Variants in SHANK1 observed in about 807,000 individuals in gnomAD.
SHANK1 encodes SH3 and multiple ankyrin repeat domains protein 1.
A neutral mutation model predicts 165.6 loss-of-function variants in SHANK1; 35 were observed. The ratio of observed to expected loss-of-function variants is 0.21; its 90% CI spans 0.16 to 0.28. The LOEUF (loss-of-function observed/expected upper bound fraction) is 0.28. Among genes scored for constraint, SHANK1 ranks in the 10% least tolerant of loss-of-function variants. The probability of loss-of-function intolerance (pLI) is 1.00; values close to 1 mark genes in which losing one functional copy is unlikely to be tolerated. For missense variants in SHANK1, 2,681 were observed against 3,036.4 expected, an observed-to-expected ratio of 0.88 and a Z score of 2.75; for synonymous variants, 1,428 against 1,384.8, an observed-to-expected ratio of 1.03 and a Z score of -0.69.
Position 50,697,014 on chromosome 19 carries a change from C to G in SHANK1, c.1964+82G>C. Reference sequence around the variant, plus strand: ...CACACCAAGAAACCTCAGCTCTGGTCGTGCACACACGTTCACACGCCCCCC... The same window carrying G: ...CACACCAAGAAACCTCAGCTCTGGTGGTGCACACACGTTCACACGCCCCCC... On this transcript the variant is annotated intron_variant, in intron 15 of 23. Transcript: ENST00000293441. This position sits in a 1 kb window ranked among gnomAD's most constrained non-coding sequence, Gnocchi z 4.7. 1 of 1,142,028 alleles carries G rather than the reference C, an allele frequency of 8.8e-7. No homozygotes were observed. Among genetic ancestry groups the G allele is most frequent in the South Asian group, 1.2e-5 (1 of 80,728 alleles). The allele number at this position is 1,142,028 out of a possible 1,614,324, so 70.7% of individuals were successfully genotyped here. A position where few individuals can be genotyped will look rare whatever the true frequency, so the allele number is the denominator to read the frequency against.
In SHANK1 at chr19:50,662,007, G is replaced by A; in HGVS notation, c.6444C>T (p.Arg2148=). The A allele has an allele frequency of 6.2e-7, 1 of 1,614,186 alleles. No homozygotes were observed. The highest frequency in any genetic ancestry group is 8.5e-7 in the Non-Finnish European group (1 of 1,180,038). ...ATTTGAGAGCCCGGTCGATGTTCAT[G>A]CGGTGGCCCACCCTGGTCACACCTA... ...VDLGVTRVGH[R]MNIDRALKFF... is the part of the protein sequence containing the mutation. Residue 2148 remains arginine (R), a synonymous_variant, in exon 24 of 24, where the codon CGC becomes CGT. Transcript: ENST00000293441. This position sits in a 1 kb window ranked among gnomAD's most constrained non-coding sequence, Gnocchi z 7.7.
At position 50,716,860 on chromosome 19, in the gene SHANK1, G is replaced by A. The variant is rs988679331; in HGVS notation, c.60C>T (p.Pro20=). Residue 20 remains proline, a synonymous_variant, in exon 2 of 24, where the codon CCC becomes CCT. Transcript: ENST00000293441. This position sits in a 1 kb window ranked among gnomAD's most constrained non-coding sequence, Gnocchi z 8.4. ...DEERHSASEC[P]EGGSESDSSP... is the part of the protein sequence containing the mutation. ...AGCTGTCGGACTCTGAGCCCCCCTC[G>A]GGACACTCGCTGGCACTGTGGCGTT... 4 of 1,523,346 alleles carry A rather than the reference G, an allele frequency of 2.6e-6. No homozygotes were observed. The highest frequency in any genetic ancestry group is 4.7e-5 in the East Asian group (2 of 42,978). 94.4% of individuals were successfully genotyped at this position (1,523,346 alleles called of 1,614,324 possible). A position where few individuals can be genotyped will look rare whatever the true frequency, so the allele number is the denominator to read the frequency against.
chr19:50,666,208 A>T lies in SHANK1; in HGVS notation c.5752T>A (p.Ser1918Thr). Residue 1918 changes from serine (S) to threonine (T), a missense_variant, in exon 23 of 24, where the codon TCC (serine) becomes ACC (threonine). Physicochemically the swap from Ser to Thr is moderately conservative, Grantham distance 58 (BLOSUM62 1). This residue lies in a region of SHANK1 where 1,713 missense variants were observed against 1,630.2 expected (regional missense o/e 1.05). Coordinates refer to ENST00000293441, the MANE Select transcript of SHANK1 (RefSeq NM_016148.5). ...GASYVPERTS[S>T]LQRQRLSDDS... ...CCCGCTTACCTCTGCCGCTGCAGGG[A>T]GGAGGTCCTCTCGGGGACATAGCTG... The T allele has an allele frequency of 6.2e-7, 1 of 1,601,216 alleles. No individual in the cohort carries two copies. Among genetic ancestry groups the T allele is most frequent in the Non-Finnish European group, 8.5e-7 (1 of 1,174,592 alleles).
At chr19:50,673,236 T>A (rs2123097944) in intron 21 of SHANK1, among the ~76,000 whole-genome samples, 1 of 152,136 alleles carries the variant, frequency 6.6e-6, no homozygotes, top group Admixed American at 6.5e-5. Flanking sequence ...CCACACTCCC[T>A]GAAGGTTCCC....
At position 50,717,820 on chromosome 19, in the gene SHANK1, G is replaced by C. The variant is rs537104286; in HGVS notation, c.-43-858C>G. ...GGGTGGGCTGGCTTGCTGGGTACTA[G>C]GGGCTCCACTCTGAGGACTGGGGGT... is the stretch of plus-strand genomic sequence containing the variant. On this transcript the variant is annotated intron_variant, in intron 1 of 23. Coordinates refer to ENST00000293441, the MANE Select transcript of SHANK1 (RefSeq NM_016148.5). The surrounding 1 kb of genome is among the most constrained non-coding windows in gnomAD (Gnocchi z 5.5). Among the ~76,000 whole-genome samples, 141 of 152,176 alleles carry C rather than the reference G, an allele frequency of 9.3e-4. 1 individual carries two copies. Among genetic ancestry groups the C allele is most frequent in the Non-Finnish European group, 1.7e-3 (116 of 67,984 alleles).
chr19:50,702,516 C>T lies in SHANK1; in HGVS notation c.1698G>A (p.Gln566=). The stretch of plus-strand genomic sequence containing the variant: ...GGGAGATCTCCCCCTCGGCTTGGGC[C>T]TGGTAGGACTTCACAGCCATGAAGG... The part of the protein sequence containing the change: ...GRSFMAVKSY[Q]AQAEGEISLS... The change falls in exon 12 of 24, where the codon CAG becomes CAA. Residue 566 remains glutamine (Q), a synonymous_variant. Transcript: ENST00000293441. This position sits in a 1 kb window ranked among gnomAD's most constrained non-coding sequence, Gnocchi z 5.3. 1 of 1,613,394 alleles carries T rather than the reference C, an allele frequency of 6.2e-7. No individual in the cohort carries two copies. Among genetic ancestry groups the T allele is most frequent in the Non-Finnish European group, 8.5e-7 (1 of 1,179,898 alleles).
At chr19:50,709,295 C>G (rs35743451) in intron 8 of SHANK1, among the ~76,000 whole-genome samples, 1 of 152,038 alleles carries the variant, frequency 6.6e-6, no homozygotes, top group South Asian at 2.1e-4. Flanking sequence ...CCCGCCACCA[C>G]GCCTGGCTAA....
chr19:50,669,139 A>G lies in SHANK1; in HGVS notation c.2821T>C (p.Ser941Pro). The change falls in exon 23 of 24, where the codon TCC becomes CCC. Residue 941 changes from serine (S) to proline (P), a missense_variant. By Grantham distance (74) the Ser-to-Pro change is moderately conservative. Transcript: ENST00000293441. Reference protein sequence around the residue: ...PPYSTPPVPSSSGRLTPSPRG... With the variant: ...PPYSTPPVPSPSGRLTPSPRG... ...GGGGAGGGGGTGAGGCGCCCTGAGGAGGAGGGGACTGGAGGTGTGCTGTAG... is the reference window on the plus strand; with the variant it reads ...GGGGAGGGGGTGAGGCGCCCTGAGGGGGAGGGGACTGGAGGTGTGCTGTAG... 1.3e-6 allele frequency: 2 copies of G among 1,535,870 alleles called. No individual in the cohort carries two copies. The highest frequency in any genetic ancestry group is 1.7e-6 in the Non-Finnish European group (2 of 1,144,184).
At position 50,668,561 on chromosome 19, in the gene SHANK1, C is replaced by A. The variant is rs1273221540; in HGVS notation, c.3399G>T (p.Thr1133=). The change falls in exon 23 of 24, where the codon ACG becomes ACT. Residue 1133 remains threonine, a synonymous_variant. Transcript: ENST00000293441. ...GGGLPPAPSP[T]SPASPQPPPA... is the part of the protein sequence containing the mutation. ...GCGGCGGCTGCGGGGAGGCCGGGGA[C>A]GTGGGCGACGGCGCGGGCGGGAGGC... 3 of 1,349,048 alleles carry A rather than the reference C, an allele frequency of 2.2e-6. No individual in the cohort carries two copies. Among genetic ancestry groups the A allele is most frequent in the Non-Finnish European group, 2.9e-6 (3 of 1,049,198 alleles). The allele number at this position is 1,349,048 out of a possible 1,614,324, so 83.6% of individuals were successfully genotyped here.
chr19:50,683,128 G>A (rs1007207096), intron 21 of SHANK1, among the ~76,000 whole-genome samples: 6 of 152,100 alleles, frequency 3.9e-5, no homozygotes, highest in Non-Finnish European at 5.9e-5. Flanking sequence ...CCCTGCGCCC[G>A]GCCCTGAAAA....
In SHANK1 at chr19:50,718,300, C is replaced by T. The variant is rs2089092064; in HGVS notation, c.-44+1106G>A. Among the ~76,000 whole-genome samples the T allele has an allele frequency of 5.3e-5, 8 of 151,922 alleles. 1 individual carries two copies. In the South Asian group the frequency reaches 1.7e-3, roughly 32 times the overall value. On this transcript the variant is annotated intron_variant, in intron 1 of 23. Transcript: ENST00000293441. This position sits in a 1 kb window ranked among gnomAD's most constrained non-coding sequence, Gnocchi z 5.1. ...GCCACGCCGCCCCACCTCGTCCCTG[C>T]GGAGACCCCGGCTGCCTCCTCCCTG... is the stretch of plus-strand genomic sequence containing the variant.
At chr19:50,699,014 G>A (rs1031290023) in intron 12 of SHANK1, among the ~76,000 whole-genome samples, 1 of 152,222 alleles carries the variant, frequency 6.6e-6, no homozygotes, top group African/African-American at 2.4e-5. Flanking sequence ...AGCGAATGTG[G>A]AGAAAACCCT....
chr19:50,664,475 C>T (rs1402970685), intron 23 of SHANK1, among the ~76,000 whole-genome samples: 1 of 152,216 alleles, frequency 6.6e-6, no homozygotes, highest in East Asian at 1.9e-4. Flanking sequence ...CATGTTACAA[C>T]AATGGCACAC....
chr19:50,681,045 C>T (rs1986163490), intron 21 of SHANK1, among the ~76,000 whole-genome samples: 1 of 151,980 alleles, frequency 6.6e-6, no homozygotes, highest in Non-Finnish European at 1.5e-5. Context: ...ACCCCCCACC[C>T]CACTGCATCT....
At chr19:50,687,492 C>T (rs1986390251) in intron 19 of SHANK1, 90 bp downstream of exon 19, 2 of 988,916 alleles carry the variant, frequency 2.0e-6, no homozygotes, top group South Asian at 1.7e-5. Context: ...GACCCCTGGT[C>T]ACTAACAACA....
At position 50,715,712 on chromosome 19, in the gene SHANK1, C is replaced by T; in HGVS notation, c.478G>A (p.Val160Ile). 1 of 1,614,056 alleles carries T rather than the reference C, an allele frequency of 6.2e-7. No homozygotes were observed. The highest frequency in any genetic ancestry group is 8.5e-7 in the Non-Finnish European group (1 of 1,179,990). ...TCATCCAGGTTGGTCTGTTTGTAAA[C>T]TCGGGTCTTGTATCGGAACTGAGGT... ...PYLEFRYKTR[V>I]YKQTNLDEKQ... The change falls in exon 4 of 24, where the codon GTT becomes ATT. Residue 160 changes from valine (V) to isoleucine (I), a missense_variant. Val to Ile is a conservative substitution (Grantham distance 29). Coordinates refer to ENST00000293441, the MANE Select transcript of SHANK1 (RefSeq NM_016148.5).
chr19:50,686,406 C>G lies in SHANK1; in HGVS notation c.2459-51G>C. ...TGGGAAGACAATGAAATGAAGTTTG[C>G]TTTGACCCGGGCCGCAAAGACCAGA... is the stretch of plus-strand genomic sequence containing the variant. On this transcript the variant is annotated intron_variant, in intron 20 of 23. Transcript: ENST00000293441. The surrounding 1 kb of genome is among the most constrained non-coding windows in gnomAD (Gnocchi z 5.7). The G allele has an allele frequency of 7.4e-7, 1 of 1,357,290 alleles. No homozygotes were observed. The highest frequency in any genetic ancestry group is 1.0e-6 in the Non-Finnish European group (1 of 979,148). 84.1% of individuals were successfully genotyped at this position (1,357,290 alleles called of 1,614,324 possible). A position where few individuals can be genotyped will look rare whatever the true frequency, so the allele number is the denominator to read the frequency against.
Position 50,672,073 on chromosome 19 carries a change from C to G in SHANK1, c.2619G>C (p.Glu873Asp). 1 of 1,614,012 alleles carries G rather than the reference C, an allele frequency of 6.2e-7. No individual in the cohort carries two copies. The highest frequency in any genetic ancestry group is 2.2e-5 in the East Asian group (1 of 44,878). ...DPHHRAQPSY[E>D]RPSFLPPGPG... ...GTCCTGGAGGCAGGAAAGAAGGACGCTCGTAACTTGGCTGGGCACGGTGGT... is the reference window on the plus strand; with the variant it reads ...GTCCTGGAGGCAGGAAAGAAGGACGGTCGTAACTTGGCTGGGCACGGTGGT... Residue 873 changes from glutamate to aspartate, a missense_variant, in exon 22 of 24, where the codon GAG (glutamate) becomes GAC (aspartate). Glu to Asp is a conservative substitution (Grantham distance 45). Transcript: ENST00000293441.
At position 50,716,274 on chromosome 19, in the gene SHANK1, C is replaced by T. The variant is rs2089069051; in HGVS notation, c.459+1G>A. The T allele has an allele frequency of 6.2e-7, 1 of 1,613,602 alleles. No homozygotes were observed. ...CAGTGAAGGAGTTGGGGAAGCTTCA[C>T]CTCCAGGTAGGGGACCCCCTTCTCA... On this transcript the variant is annotated splice_donor_variant, in intron 3 of 23. Coordinates refer to ENST00000293441, the MANE Select transcript of SHANK1 (RefSeq NM_016148.5). LOFTEE classifies it high-confidence loss of function. The surrounding 1 kb of genome is among the most constrained non-coding windows in gnomAD (Gnocchi z 8.4).
Sources: allele counts gnomAD v4.1 joint callset (sites outside exome capture counted in the v4.1 genomes callset), GRCh38; gene constraint gnomAD v4.1.1; regional missense constraint gnomAD v4.1.1; non-coding constraint Gnocchi (gnomAD v3.1); transcripts MANE v1.5; gene names NCBI Gene and HGNC (gene_info 2026-07-23, HGNC 2026-07-21).